CD96: variants seen among roughly 807,000 people sequenced by gnomAD.
CD96 encodes the protein T-cell surface protein tactile.
In CD96, 70 loss-of-function variants were observed where a neutral mutation model predicts 71.3. That is an observed-to-expected ratio of 0.98 (90% CI 0.81 to 1.20). CD96 has a LOEUF of 1.20. CD96 is among the 50% of genes most tolerant of loss of function. The probability of loss-of-function intolerance (pLI) is 0.00; values close to 1 mark genes in which losing one functional copy is unlikely to be tolerated. For missense variants in CD96, 742 were observed against 677.5 expected (o/e 1.10, Z -1.06); for synonymous variants, 248 against 233.0 (o/e 1.06, Z -0.59).
intron 7 of CD96, among the ~76,000 whole-genome samples, chr3:111,602,776 G>A (rs1368270695): frequency 2.0e-5 from 3 of 152,198 alleles, no homozygotes; most frequent in Admixed American, 6.5e-5. Context: ...TTGTTGACAA[G>A]ATACTGAGAT....
At chr3:111,647,098 A>C (rs976219284) in intron 12 of CD96, among the ~76,000 whole-genome samples, 1 of 151,544 alleles carries the variant, frequency 6.6e-6, no homozygotes, top group Non-Finnish European at 1.5e-5. Context: ...TAAAAAAAAA[A>C]AAAAAAAAAA....
At chr3:111,664,963 T>C (rs1045281931) in intron 14 of CD96, among the ~76,000 whole-genome samples, 1 of 152,232 alleles carries the variant, frequency 6.6e-6, no homozygotes, top group African/African-American at 2.4e-5. Context: ...TACACAGTTA[T>C]TATTTAGCAG....
rs570645841 is a variant in CD96 at position 111,652,317 on chromosome 3, A to G, written c.*2511A>G. 6.6e-6 allele frequency: 1 copy of G among 152,204 alleles called. No homozygotes were observed. The highest frequency in any genetic ancestry group is 2.4e-5 in the African/African-American group (1 of 41,520). The allele number at this position is 152,204 out of a possible 1,614,324, so 9.4% of individuals were successfully genotyped here. A position where few individuals can be genotyped will look rare whatever the true frequency, so the allele number is the denominator to read the frequency against. Reference sequence around the variant, plus strand: ...ATATGTATGGCTGTTGCTTTGCTTCATGTGTATGGCTATTTGTATTTAACA... The same window carrying G: ...ATATGTATGGCTGTTGCTTTGCTTCGTGTGTATGGCTATTTGTATTTAACA... On this transcript the variant is annotated 3_prime_UTR_variant, in exon 14 of 14. Coordinates refer to ENST00000352690, the MANE Select transcript of CD96 (RefSeq NM_005816.5).
intron 14 of CD96, among the ~76,000 whole-genome samples, chr3:111,664,632 A>G (rs1940437889): frequency 6.6e-6 from 1 of 152,234 alleles, no homozygotes; most frequent in African/African-American, 2.4e-5. Context: ...TGCAACTTGT[A>G]CATGTACCCC....
At chr3:111,546,660 G>T (rs1052996883) in intron 2 of CD96, among the ~76,000 whole-genome samples, 1 of 151,980 alleles carries the variant, frequency 6.6e-6, no homozygotes, top group Non-Finnish European at 1.5e-5. Context: ...CTAACTCAGG[G>T]CAAAGTGGCC....
At chr3:111,570,512 C>T in intron 3 of CD96, 1 of 923,170 alleles carries the variant, frequency 1.1e-6, no homozygotes, top group Non-Finnish European at 1.6e-6. Context: ...AGGTAGAAAT[C>T]ACAAATGGGA....
At chr3:111,617,705 T>C (rs1171912042) in intron 8 of CD96, among the ~76,000 whole-genome samples, 2 of 152,200 alleles carry the variant, frequency 1.3e-5, no homozygotes, top group Non-Finnish European at 2.9e-5. Flanking sequence ...CACCCTCCAG[T>C]TGTCAGCATA....
chr3:111,643,298 C>T (rs926037012), intron 12 of CD96, among the ~76,000 whole-genome samples: 25 of 152,096 alleles, frequency 1.6e-4, no homozygotes, highest in African/African-American at 6.0e-4. Context: ...ATGATTAAAA[C>T]TCAGCAAAAT....
At chr3:111,647,466 A>G in intron 12 of CD96, 77 bp from the exon 13 acceptor site, 1 of 1,315,540 alleles carries the variant, frequency 7.6e-7, no homozygotes, top group Non-Finnish European at 1.1e-6. Flanking sequence ...TGTTTCACGT[A>G]GGAAAAATGG....
chr3:111,546,752 G>C (rs1184845122), intron 2 of CD96, among the ~76,000 whole-genome samples: 1 of 152,054 alleles, frequency 6.6e-6, no homozygotes, highest in Admixed American at 6.6e-5. Context: ...AACAGGTATG[G>C]ATTTATAGCC....
chr3:111,545,873 T>C (rs1367314389), intron 2 of CD96, among the ~76,000 whole-genome samples: 1 of 152,174 alleles, frequency 6.6e-6, no homozygotes, highest in Non-Finnish European at 1.5e-5. Context: ...GACCAGATCA[T>C]GTTGGACCTG....
chr3:111,600,034 A>G (rs1937422813), intron 6 of CD96, among the ~76,000 whole-genome samples: 1 of 152,254 alleles, frequency 6.6e-6, no homozygotes. Flanking sequence ...TTTGATTTCT[A>G]AAGAAGACTC....
rs181415593 is a variant in CD96 at position 111,662,311 on chromosome 3, G to T, written c.*53-3216G>T. ...TGTGATGAAAGGTGCTGCTGTGAAG[G>T]TCTCTGAAATGCCTTGGAGGCATTT... On this transcript the variant is annotated intron_variant and NMD_transcript_variant, in intron 14 of 14. Transcript: ENST00000494798. Among the ~76,000 whole-genome samples the T allele has an allele frequency of 2.8e-4, 42 of 152,294 alleles. 1 individual carries two copies. The South Asian group carries it at 6.8e-3, about 25-fold the overall frequency.
chr3:111,615,583 G>GGT (rs1441009739), intron 8 of CD96, among the ~76,000 whole-genome samples: 5 of 152,050 alleles, frequency 3.3e-5, no homozygotes, highest in African/African-American at 7.2e-5. Context: ...TTGTCTAAGG[G>GGT]GTGTGTGTGT....
intron 5 of CD96, chr3:111,595,442 G>A (rs1319235067): frequency 6.6e-6 from 1 of 152,144 alleles, no homozygotes; most frequent in Non-Finnish European, 1.5e-5. Flanking sequence ...TTCTAGGGAA[G>A]CATTGTTTCC....
chr3:111,632,870 T>A (rs1441089826), intron 10 of CD96, among the ~76,000 whole-genome samples: 1 of 152,180 alleles, frequency 6.6e-6, no homozygotes, highest in African/African-American at 2.4e-5. Flanking sequence ...AATGCAGGAA[T>A]AAAAAGCCAA....
At chr3:111,630,189 C>CA (rs1439747766) in intron 10 of CD96, among the ~76,000 whole-genome samples, 2 of 151,964 alleles carry the variant, frequency 1.3e-5, no homozygotes, top group South Asian at 2.1e-4. Flanking sequence ...GATAGACACA[C>CA]AAAAAACCTT....
intron 8 of CD96, among the ~76,000 whole-genome samples, chr3:111,615,760 A>G (rs1336621019): frequency 6.6e-6 from 1 of 152,220 alleles, no homozygotes; most frequent in African/African-American, 2.4e-5. Flanking sequence ...GGAAGTGGGC[A>G]GTAAAGATGA....
intron 2 of CD96, among the ~76,000 whole-genome samples, chr3:111,558,597 G>A (rs1354605380): frequency 8.0e-6 from 1 of 125,014 alleles, no homozygotes; most frequent in Non-Finnish European, 1.7e-5. Flanking sequence ...TGTGCTGCTG[G>A]ATTCGGTTTG....
Sources: allele counts gnomAD v4.1 joint callset (sites outside exome capture counted in the v4.1 genomes callset), GRCh38; gene constraint gnomAD v4.1.1; transcripts MANE v1.5; gene names NCBI Gene and HGNC (gene_info 2026-07-23, HGNC 2026-07-21).